KDM2B: variants seen among roughly 807,000 people sequenced by gnomAD.
KDM2B encodes the protein lysine demethylase 2B.
A neutral mutation model predicts 150.0 loss-of-function variants in KDM2B; 26 were observed. The observed-to-expected ratio is 0.17, with a 90% CI of 0.13 to 0.24. The LOEUF is 0.24. KDM2B is among the 10% of genes least tolerant of loss of function. The pLI is 1.00. For synonymous variants in KDM2B, 734 were observed against 729.5 expected, an observed-to-expected ratio of 1.01 and a Z score of -0.10; for missense variants, 1,265 against 1,816.9, an observed-to-expected ratio of 0.70 and a Z score of 5.52.
chr12:121,443,816 G>C (rs1555289299), intron 16 of KDM2B, 23 bp from the exon 17 acceptor site: 1 of 1,469,556 alleles, frequency 6.8e-7, no homozygotes, highest in African/African-American at 1.4e-5. Context: ...GGAGTGGGAA[G>C]AGGAGTGACT....
rs782011468 is a variant in KDM2B, at chr12:121,444,165, C to T, written c.2298G>A (p.Arg766=). 2 of 1,612,632 alleles carry T rather than the reference C, an allele frequency of 1.2e-6. No homozygotes were observed. The highest frequency in any genetic ancestry group is 1.7e-6 in the Non-Finnish European group (2 of 1,180,040). The part of the protein sequence containing the change: ...DNKEGQEPAK[R]RSECEEAPRR... Reference sequence around the variant, plus strand: ...GGGGCGCCTCCTCACACTCACTCCTCCGCTTGGCAGGTTCCTGCCCTTCCT... The same window carrying T: ...GGGGCGCCTCCTCACACTCACTCCTTCGCTTGGCAGGTTCCTGCCCTTCCT... Residue 766 remains arginine (R), a synonymous_variant, in exon 16 of 23, where the codon CGG becomes CGA. Coordinates refer to ENST00000377071, the MANE Select transcript of KDM2B (RefSeq NM_032590.5).
intron 8 of KDM2B, among the ~76,000 whole-genome samples, chr12:121,523,750 G>A (rs1288817266): frequency 1.3e-5 from 2 of 152,242 alleles, no homozygotes; most frequent in African/African-American, 2.4e-5. Context: ...CAGTGCTGCC[G>A]GGTACAGGCA....
chr12:121,421,160 T>C, the KDM2B span, among the ~76,000 whole-genome samples: 2 of 152,000 alleles, frequency 1.3e-5, no homozygotes, highest in Non-Finnish European at 2.9e-5. Flanking sequence ...GGGGGAAAAT[T>C]CCCTATAGCC....
rs368950736 is a variant in KDM2B at position 121,452,866 on chromosome 12, A to C, written c.1959+254T>G. Among the ~76,000 whole-genome samples the C allele has an allele frequency of 5.9e-5, 9 of 152,344 alleles. No homozygotes were observed. Among genetic ancestry groups the C allele is most frequent in the African/African-American group, 2.2e-4 (9 of 41,584 alleles). The stretch of plus-strand genomic sequence containing the variant: ...ACCGTAATGTTGGCAACGGGGTCAC[A>C]GACAGGACAGGCTGCCTGTCATCTT... On this transcript the variant is annotated intron_variant, in intron 13 of 22. Transcript: ENST00000377071. The surrounding 1 kb of genome is among the most constrained non-coding windows in gnomAD (Gnocchi z 4.4).
At chr12:121,510,105 C>T (rs1289125573) in intron 10 of KDM2B, 66 bp from the exon 11 acceptor site, 8 of 1,354,960 alleles carry the variant, frequency 5.9e-6, no homozygotes, top group African/African-American at 5.8e-5. Context: ...TCTTTGGAAC[C>T]TCCACTCACC....
chr12:121,567,688 T>C (rs1555315217), intron 4 of KDM2B, among the ~76,000 whole-genome samples: 1 of 151,504 alleles, frequency 6.6e-6, no homozygotes, highest in Non-Finnish European at 1.5e-5. Context: ...GCCTCCAGAA[T>C]TGTCAGAAAA....
intron 12 of KDM2B, among the ~76,000 whole-genome samples, chr12:121,459,602 G>A (rs557724625): frequency 2.0e-5 from 3 of 152,200 alleles, no homozygotes; most frequent in Admixed American, 6.5e-5. Flanking sequence ...AGGCCAAGGC[G>A]GGAGGATCAC....
chr12:121,527,782 T>A (rs1555307076), intron 8 of KDM2B, among the ~76,000 whole-genome samples: 1 of 151,756 alleles, frequency 6.6e-6, no homozygotes, highest in African/African-American at 2.4e-5. Flanking sequence ...GGCAACAAAG[T>A]AAGACCCTGA....
At chr12:121,509,144 C>T (rs1885357406) in intron 11 of KDM2B, among the ~76,000 whole-genome samples, 2 of 152,238 alleles carry the variant, frequency 1.3e-5, no homozygotes, top group South Asian at 4.2e-4. Context: ...CTGCAACCTC[C>T]ACCTCCCAGG....
intron 12 of KDM2B, chr12:121,470,352 C>A (rs545430662): frequency 5.9e-5 from 9 of 152,274 alleles, no homozygotes; most frequent in Admixed American, 5.9e-4. Context: ...CCCTTTATAT[C>A]ATTTCAGAGA....
chr12:121,576,274 G>A (rs782381305), intron 2 of KDM2B, among the ~76,000 whole-genome samples: 1 of 152,216 alleles, frequency 6.6e-6, no homozygotes, highest in Non-Finnish European at 1.5e-5. Flanking sequence ...ATTGAAGAAT[G>A]CCACCTGGGA....
At chr12:121,497,031 G>A (rs555548157) in intron 11 of KDM2B, among the ~76,000 whole-genome samples, 1 of 149,652 alleles carries the variant, frequency 6.7e-6, no homozygotes. Context: ...TTTTTTTTGA[G>A]TGATTTTTCA....
chr12:121,476,065 C>T (rs1255735421), intron 12 of KDM2B, among the ~76,000 whole-genome samples: 9 of 151,810 alleles, frequency 5.9e-5, no homozygotes, highest in Middle Eastern at 3.5e-3. Flanking sequence ...GAGGCCAAGG[C>T]GGGCAGATCA....
chr12:121,453,027 C>A lies in KDM2B; in HGVS notation c.1959+93G>T. On this transcript the variant is annotated intron_variant, in intron 13 of 22. Transcript: ENST00000377071. This position sits in a 1 kb window ranked among gnomAD's most constrained non-coding sequence, Gnocchi z 6.4. ...TCCACAGCCCCGGCTTCTCTGTGTG[C>A]GGAGGGGCGGCCAGAGCGAGCAGCG... 1.7e-6 allele frequency: 2 copies of A among 1,157,412 alleles called. No individual in the cohort carries two copies. Among genetic ancestry groups the A allele is most frequent in the Non-Finnish European group, 2.4e-6 (2 of 836,968 alleles). The allele number at this position is 1,157,412 out of a possible 1,614,324, so 71.7% of individuals were successfully genotyped here.
chr12:121,415,301 A>T, the KDM2B span: 3 of 383,960 alleles, frequency 7.8e-6, no homozygotes, highest in Non-Finnish European at 1.7e-5. Context: ...CAAATGCGAA[A>T]ACAGAGGTTT....
rs60048517 is a variant in KDM2B at position 121,539,326 on chromosome 12, CAAAAAAAAA to C, written c.684-4745_684-4737del. Among the ~76,000 whole-genome samples the C allele has an allele frequency of 3.0e-3, 178 of 58,622 alleles. 1 individual carries two copies. Among genetic ancestry groups the C allele is most frequent in the Middle Eastern group, 0.019 (1 of 54 alleles). The allele number at this position is 58,622 out of a possible 152,430, so 38.5% of individuals were successfully genotyped here. On this transcript the variant is annotated intron_variant, in intron 6 of 22. Transcript: ENST00000377071. The stretch of plus-strand genomic sequence containing the variant: ...CCGGGTGACATAGGAGACCCTCTCC[CAAAAAAAAA>C]AAAAAAAAAAAAAAAAAAAAGAAAG...
chr12:121,543,652 C>T (rs1888782284), intron 6 of KDM2B, among the ~76,000 whole-genome samples: 2 of 151,148 alleles, frequency 1.3e-5, no homozygotes, highest in African/African-American at 2.4e-5. Context: ...GGTGAAACCC[C>T]ATCTCTACTA....
intron 4 of KDM2B, among the ~76,000 whole-genome samples, chr12:121,553,360 G>T (rs1199592802): frequency 1.3e-5 from 2 of 152,074 alleles, no homozygotes; most frequent in African/African-American, 4.8e-5. Context: ...CTGTGCAAAG[G>T]AGTCTGCTGG....
intron 8 of KDM2B, among the ~76,000 whole-genome samples, chr12:121,530,965 G>A (rs995493562): frequency 2.0e-5 from 3 of 152,146 alleles, no homozygotes; most frequent in Admixed American, 2.0e-4. Context: ...GAGCTGAGGT[G>A]CAGAGAGAGG....
Sources: gnomAD v4.1 joint callset for allele counts (sites outside exome capture counted in the v4.1 genomes callset) on GRCh38, gnomAD v4.1.1 for gene constraint, Gnocchi (gnomAD v3.1) non-coding constraint, MANE v1.5 for transcripts, NCBI Gene and HGNC (gene_info 2026-07-23, HGNC 2026-07-21) for gene names.